Variants in OR5AN1 observed in about 807,000 individuals in gnomAD.
OR5AN1 encodes olfactory receptor family 5 subfamily AN member 1, also known as olfactory receptor 5AN1.
For missense variants in OR5AN1, 476 were observed against 368.9 expected, an observed-to-expected ratio of 1.29 and a Z score of -2.38; for synonymous variants, 167 against 131.8, an observed-to-expected ratio of 1.27 and a Z score of -1.83.
At position 59,369,157 on chromosome 11, in the gene OR5AN1, G is replaced by T. The variant is rs1857565780; in HGVS notation, c.*3763G>T. On this transcript the variant is annotated 3_prime_UTR_variant, in exon 2 of 2. Coordinates refer to ENST00000641998, the MANE Select transcript of OR5AN1 (RefSeq NM_001004729.2). ...GCAGTTAAAGAAACACCCACATGCA[G>T]AGATGAGAAAAAAAAAACAATGTAA... The T allele has an allele frequency of 1.0e-5, 1 of 98,224 alleles. No individual in the cohort carries two copies. Among genetic ancestry groups the T allele is most frequent in the Non-Finnish European group, 2.2e-5 (1 of 45,274 alleles). 6.1% of individuals were successfully genotyped at this position (98,224 alleles called of 1,614,324 possible). A position where few individuals can be genotyped will look rare whatever the true frequency, so the allele number is the denominator to read the frequency against.
In OR5AN1 at chr11:59,371,427, T is replaced by C. The variant is rs1440801226; in HGVS notation, c.*6033T>C. Reference sequence around the variant, plus strand: ...ATAAGGATTGGAAAACTGCAGAATGTTTAAATTTGTTACCACCAAAGCTGA... The same window carrying C: ...ATAAGGATTGGAAAACTGCAGAATGCTTAAATTTGTTACCACCAAAGCTGA... On this transcript the variant is annotated 3_prime_UTR_variant, in exon 2 of 2. Coordinates refer to ENST00000641998, the MANE Select transcript of OR5AN1 (RefSeq NM_001004729.2). 4 of 152,190 alleles carry C rather than the reference T, an allele frequency of 2.6e-5. No homozygotes were observed. The highest frequency in any genetic ancestry group is 2.1e-4 in the South Asian group (1 of 4,824). The allele number at this position is 152,190 out of a possible 1,614,324, so 9.4% of individuals were successfully genotyped here.
At position 59,365,409 on chromosome 11, in the gene OR5AN1, A is replaced by T. The variant is rs10896964; in HGVS notation, c.*15A>T. The T allele has an allele frequency of 2.0e-6, 3 of 1,508,276 alleles. No homozygotes were observed. The highest frequency in any genetic ancestry group is 2.5e-5 in the South Asian group (2 of 79,500). 93.4% of individuals were successfully genotyped at this position (1,508,276 alleles called of 1,614,324 possible). The stretch of plus-strand genomic sequence containing the variant: ...AGTGCTGCTGAGTTTACAGATTCTG[A>T]GATTTCTGCCAGATATGGCCCATCA... On this transcript the variant is annotated 3_prime_UTR_variant, in exon 2 of 2. Coordinates refer to ENST00000641998, the MANE Select transcript of OR5AN1 (RefSeq NM_001004729.2).
Position 59,364,883 on chromosome 11 carries a change from G to A in OR5AN1, c.425G>A (p.Cys142Tyr). The change falls in exon 2 of 2, where the codon TGT becomes TAT. Residue 142 changes from cysteine (C) to tyrosine (Y), a missense_variant. By Grantham distance (194) the Cys-to-Tyr change is radical (BLOSUM62 -2). Coordinates refer to ENST00000641998, the MANE Select transcript of OR5AN1 (RefSeq NM_001004729.2). ...LYSSIMSPTL[C>Y]VWMVLGAYMT... The stretch of plus-strand genomic sequence containing the variant: ...TCATCCATCATGTCACCCACCCTCT[G>A]TGTTTGGATGGTACTGGGAGCCTAC... 1.2e-6 allele frequency: 2 copies of A among 1,614,028 alleles called. No individual in the cohort carries two copies. Among genetic ancestry groups the A allele is most frequent in the Non-Finnish European group, 1.7e-6 (2 of 1,179,976 alleles).
Position 59,369,922 on chromosome 11 carries a change from T to A in OR5AN1, c.*4528T>A, listed in dbSNP as rs529023563. On this transcript the variant is annotated 3_prime_UTR_variant, in exon 2 of 2. Transcript: ENST00000641998. ...GGCTAACAGCAGACCTCTCCACTGGTACCCTACAAGCCAGAAGAGTTTGGG... is the reference window on the plus strand; with the variant it reads ...GGCTAACAGCAGACCTCTCCACTGGAACCCTACAAGCCAGAAGAGTTTGGG... The A allele has an allele frequency of 6.6e-6, 1 of 152,284 alleles. No homozygotes were observed. Among genetic ancestry groups the A allele is most frequent in the South Asian group, 2.1e-4 (1 of 4,828 alleles). 9.4% of individuals were successfully genotyped at this position (152,284 alleles called of 1,614,324 possible).
intron 1 of OR5AN1, 45 bp from the exon 2 acceptor site, chr11:59,364,401 C>T: frequency 1.7e-6 from 2 of 1,210,588 alleles, no homozygotes; most frequent in South Asian, 1.4e-5. Flanking sequence ...GTTATCACTT[C>T]AACTGAGTTA....
intron 1 of OR5AN1, among the ~76,000 whole-genome samples, chr11:59,362,034 G>A (rs964814972): frequency 6.6e-5 from 10 of 151,742 alleles, no homozygotes; most frequent in Non-Finnish European, 1.2e-4. Flanking sequence ...AGAGAGCGGG[G>A]GATTGGAGAG....
chr11:59,359,803 G>T (rs1857444050), intron 1 of OR5AN1: 1 of 152,158 alleles, frequency 6.6e-6, no homozygotes, highest in South Asian at 2.1e-4. Flanking sequence ...AATATTCTTT[G>T]TAATCTTCTT....
At position 59,364,835 on chromosome 11, in the gene OR5AN1, C is replaced by T. The variant is rs1009258144; in HGVS notation, c.377C>T (p.Ala126Val). 3 of 1,613,860 alleles carry T rather than the reference C, an allele frequency of 1.9e-6. No homozygotes were observed. The highest frequency in any genetic ancestry group is 2.5e-6 in the Non-Finnish European group (3 of 1,179,840). The change falls in exon 2 of 2, where the codon GCC becomes GTC. Residue 126 changes from alanine to valine, a missense_variant. By Grantham distance (64) the Ala-to-Val change is moderately conservative (BLOSUM62 0). Coordinates refer to ENST00000641998, the MANE Select transcript of OR5AN1 (RefSeq NM_001004729.2). ...GCCATGGCTTATGATCGTTATGCTG[C>T]CATTTGTAACCCCCTGCTCTATTCA... is the stretch of plus-strand genomic sequence containing the variant. ...MTAMAYDRYA[A>V]ICNPLLYSSI...
At chr11:59,362,311 T>C (rs1487579085) in intron 1 of OR5AN1, among the ~76,000 whole-genome samples, 2 of 152,178 alleles carry the variant, frequency 1.3e-5, no homozygotes, top group African/African-American at 4.8e-5. Context: ...ATTTTTTCTC[T>C]TATAATTTCT....
rs1048583818 is a variant in OR5AN1 at position 59,369,067 on chromosome 11, C to T, written c.*3673C>T. 3.3e-5 allele frequency: 5 copies of T among 152,126 alleles called. No homozygotes were observed. Among genetic ancestry groups the T allele is most frequent in the African/African-American group, 9.7e-5 (4 of 41,418 alleles). The allele number at this position is 152,126 out of a possible 1,614,324, so 9.4% of individuals were successfully genotyped here. A position where few individuals can be genotyped will look rare whatever the true frequency, so the allele number is the denominator to read the frequency against. On this transcript the variant is annotated 3_prime_UTR_variant, in exon 2 of 2. Coordinates refer to ENST00000641998, the MANE Select transcript of OR5AN1 (RefSeq NM_001004729.2). ...AAGTGAGCATCAAACACAGACCCTACACAAAGCCTTGGCCCAGTGAAAACA... is the reference window on the plus strand; with the variant it reads ...AAGTGAGCATCAAACACAGACCCTATACAAAGCCTTGGCCCAGTGAAAACA...
In OR5AN1 at chr11:59,366,877, A is replaced by G. The variant is rs1319523241; in HGVS notation, c.*1483A>G. 1.3e-5 allele frequency: 2 copies of G among 152,238 alleles called. No individual in the cohort carries two copies. The highest frequency in any genetic ancestry group is 4.8e-5 in the African/African-American group (2 of 41,474). 9.4% of individuals were successfully genotyped at this position (152,238 alleles called of 1,614,324 possible). A position where few individuals can be genotyped will look rare whatever the true frequency, so the allele number is the denominator to read the frequency against. Reference sequence around the variant, plus strand: ...AGATGAATAAACTTAGGCCAGAGAAATTCAGAAACACAGCTAGTAAGTGAA... The same window carrying G: ...AGATGAATAAACTTAGGCCAGAGAAGTTCAGAAACACAGCTAGTAAGTGAA... On this transcript the variant is annotated 3_prime_UTR_variant, in exon 2 of 2. Coordinates refer to ENST00000641998, the MANE Select transcript of OR5AN1 (RefSeq NM_001004729.2).
rs1857520997 is a variant in OR5AN1, at chr11:59,365,485, C to T, written c.*91C>T. 2.6e-6 allele frequency: 2 copies of T among 771,438 alleles called. No individual in the cohort carries two copies. The highest frequency in any genetic ancestry group is 4.1e-6 in the Non-Finnish European group (2 of 489,134). The allele number at this position is 771,438 out of a possible 1,614,324, so 47.8% of individuals were successfully genotyped here. ...ATAATGAATGGACTATAACAAAATTCATGCTGCCTACTGCCTTTGGACAAA... is the reference window on the plus strand; with the variant it reads ...ATAATGAATGGACTATAACAAAATTTATGCTGCCTACTGCCTTTGGACAAA... On this transcript the variant is annotated 3_prime_UTR_variant, in exon 2 of 2. Transcript: ENST00000641998.
In OR5AN1 at chr11:59,366,059, G is replaced by A. The variant is rs774004828; in HGVS notation, c.*665G>A. The stretch of plus-strand genomic sequence containing the variant: ...CCAGCTGTAGCATAAGAAAGAAGGA[G>A]GTGATTTTAATCATGAAGTGGGATA... On this transcript the variant is annotated 3_prime_UTR_variant, in exon 2 of 2. Coordinates refer to ENST00000641998, the MANE Select transcript of OR5AN1 (RefSeq NM_001004729.2). 6.6e-6 allele frequency: 1 copy of A among 152,102 alleles called. No homozygotes were observed. Among genetic ancestry groups the A allele is most frequent in the Non-Finnish European group, 1.5e-5 (1 of 68,016 alleles). The allele number at this position is 152,102 out of a possible 1,614,324, so 9.4% of individuals were successfully genotyped here. A position where few individuals can be genotyped will look rare whatever the true frequency, so the allele number is the denominator to read the frequency against.
chr11:59,362,793 G>C (rs1195538466), intron 1 of OR5AN1, among the ~76,000 whole-genome samples: 5 of 152,174 alleles, frequency 3.3e-5, no homozygotes, highest in African/African-American at 4.8e-5. Flanking sequence ...GGTAAGCTCT[G>C]ACTTGCTGAT....
At position 59,361,740 on chromosome 11, in the gene OR5AN1, G is replaced by T. The variant is rs1857465090; in HGVS notation, c.-14+2468G>T. Among the ~76,000 whole-genome samples, 5 of 152,176 alleles carry T rather than the reference G, an allele frequency of 3.3e-5. No homozygotes were observed. In the South Asian group the frequency reaches 1.0e-3, roughly 32 times the overall value. ...CAGCCTGCAAGTAAGATTCAGGAAAGTCTACTCTCTCACATTCTATCTCTT... is the reference window on the plus strand; with the variant it reads ...CAGCCTGCAAGTAAGATTCAGGAAATTCTACTCTCTCACATTCTATCTCTT... On this transcript the variant is annotated intron_variant, in intron 1 of 1. Coordinates refer to ENST00000641998, the MANE Select transcript of OR5AN1 (RefSeq NM_001004729.2).
Position 59,369,892 on chromosome 11 carries a change from C to T in OR5AN1, c.*4498C>T, listed in dbSNP as rs1178479906. 2 of 152,152 alleles carry T rather than the reference C, an allele frequency of 1.3e-5. No individual in the cohort carries two copies. The highest frequency in any genetic ancestry group is 2.9e-5 in the Non-Finnish European group (2 of 68,040). 9.4% of individuals were successfully genotyped at this position (152,152 alleles called of 1,614,324 possible). ...GGTGAGTCATCTACAAAGGGATCCC[C>T]GTCAGGCTAACAGCAGACCTCTCCA... On this transcript the variant is annotated 3_prime_UTR_variant, in exon 2 of 2. Coordinates refer to ENST00000641998, the MANE Select transcript of OR5AN1 (RefSeq NM_001004729.2).
In OR5AN1 at chr11:59,362,136, A is replaced by G. The variant is rs561637411; in HGVS notation, c.-13-2310A>G. On this transcript the variant is annotated intron_variant, in intron 1 of 1. Transcript: ENST00000641998. Reference sequence around the variant, plus strand: ...TTGTGCACTCATCAGTGGTCATATGAGTGCCCATTCCTTACTGATTTATGC... The same window carrying G: ...TTGTGCACTCATCAGTGGTCATATGGGTGCCCATTCCTTACTGATTTATGC... 1.9e-3 allele frequency among the ~76,000 whole-genome samples: 284 copies of G among 152,288 alleles called. 2 individuals carry two copies. Among genetic ancestry groups the G allele is most frequent in the African/African-American group, 6.5e-3 (270 of 41,560 alleles).
In OR5AN1 at chr11:59,365,011, C is replaced by T; in HGVS notation, c.553C>T (p.Leu185=). ...ACATTTCTTCTGTGACATGCCCCAACTGTTAATCTTGTCCTGTACTGACAC... is the reference window on the plus strand; with the variant it reads ...ACATTTCTTCTGTGACATGCCCCAATTGTTAATCTTGTCCTGTACTGACAC... The part of the protein sequence containing the change: ...IRHFFCDMPQ[L]LILSCTDTFF... Residue 185 remains leucine (L), a synonymous_variant, in exon 2 of 2, where the codon CTG becomes TTG. Transcript: ENST00000641998. The T allele has an allele frequency of 6.2e-7, 1 of 1,614,162 alleles. No homozygotes were observed. The highest frequency in any genetic ancestry group is 8.5e-7 in the Non-Finnish European group (1 of 1,180,006).
rs1353707781 is a variant in OR5AN1, at chr11:59,367,323, C to G, written c.*1929C>G. On this transcript the variant is annotated 3_prime_UTR_variant, in exon 2 of 2. Coordinates refer to ENST00000641998, the MANE Select transcript of OR5AN1 (RefSeq NM_001004729.2). The stretch of plus-strand genomic sequence containing the variant: ...GGCTTTCAGTCTTCAGTCTAATACA[C>G]AGAGCTATGTGGAGTCTTGGCAGAG... 3 of 152,268 alleles carry G rather than the reference C, an allele frequency of 2.0e-5. No individual in the cohort carries two copies. Among genetic ancestry groups the G allele is most frequent in the Non-Finnish European group, 2.9e-5 (2 of 68,104 alleles). 9.4% of individuals were successfully genotyped at this position (152,268 alleles called of 1,614,324 possible).
Sources: allele counts gnomAD v4.1 joint callset (sites outside exome capture counted in the v4.1 genomes callset), GRCh38; gene constraint gnomAD v4.1.1; transcripts MANE v1.5; gene names NCBI Gene and HGNC (gene_info 2026-07-23, HGNC 2026-07-21).